The following TMEM74 variants were observed in gnomAD, a reference collection of about 807,000 sequenced individuals.
TMEM74 encodes the protein transmembrane protein 74.
TMEM74 carries 13 observed loss-of-function variants against 18.1 expected under a neutral mutation model. The observed-to-expected ratio is 0.72, with a 90% CI of 0.47 to 1.14. The LOEUF is 1.14. Ranked by LOEUF, TMEM74 falls within the 50% of genes most tolerant of loss-of-function variation. The pLI, the probability that TMEM74 is intolerant of heterozygous loss-of-function variation, is 0.00. For missense variants in TMEM74, 372 were observed against 375.9 expected (o/e 0.99, Z 0.09); for synonymous variants, 159 against 146.6 (o/e 1.08, Z -0.61).
chr8:108,680,445 G>A (rs1480203014), intron 1 of TMEM74, among the ~76,000 whole-genome samples: 3 of 151,978 alleles, frequency 2.0e-5, no homozygotes, highest in Admixed American at 2.0e-4. Flanking sequence ...ATGCAGAAAA[G>A]GCCTTTGACA....
chr8:108,633,286 G>C (rs1055215006), intron 2 of TMEM74, among the ~76,000 whole-genome samples: 2 of 151,868 alleles, frequency 1.3e-5, no homozygotes, highest in Admixed American at 1.3e-4. Context: ...ATAATACTAA[G>C]TTTTGAAGGG....
chr8:108,693,726 C>T lies in TMEM74; in HGVS notation n.120-38289G>A, dbSNP rs1396738275. On this transcript the variant is annotated intron_variant and non_coding_transcript_variant, in intron 1 of 3. Transcript: ENST00000518838. ...CTATTCACTGAATTATCCTTAGAGG[C>T]TGAATGCTAATTGATTTTATGTGCA... Among the ~76,000 whole-genome samples, 5 of 152,188 alleles carry T rather than the reference C, an allele frequency of 3.3e-5. No homozygotes were observed. In the East Asian group the frequency reaches 5.8e-4, roughly 18 times the overall value.
At chr8:108,621,895 A>G (rs1209472207) in intron 2 of TMEM74, among the ~76,000 whole-genome samples, 4 of 152,142 alleles carry the variant, frequency 2.6e-5, no homozygotes, top group Non-Finnish European at 4.4e-5. Flanking sequence ...GCCAGGCACA[A>G]AATAAGCACT....
intron 2 of TMEM74, among the ~76,000 whole-genome samples, chr8:108,609,352 C>A (rs1812310911): frequency 6.6e-6 from 1 of 152,134 alleles, no homozygotes. Flanking sequence ...TTAAACTATT[C>A]TTAAAATATT....
At chr8:108,700,801 C>T (rs182181756) in intron 1 of TMEM74, among the ~76,000 whole-genome samples, 2 of 152,144 alleles carry the variant, frequency 1.3e-5, no homozygotes, top group Admixed American at 1.3e-4. Context: ...ATGACTGGCC[C>T]AGGTTTACAC....
chr8:108,687,281 T>C (rs1348664398), intron 1 of TMEM74, among the ~76,000 whole-genome samples: 1 of 152,086 alleles, frequency 6.6e-6, no homozygotes, highest in Non-Finnish European at 1.5e-5. Context: ...TAAAAATGAA[T>C]GAATTTCTCT....
chr8:108,719,383 C>T (rs927154553), intron 1 of TMEM74, among the ~76,000 whole-genome samples: 1 of 151,964 alleles, frequency 6.6e-6, no homozygotes. Flanking sequence ...CAATATAATA[C>T]TTTATTGGAT....
At chr8:108,756,809 GAA>G (rs1397468259) in intron 1 of TMEM74, among the ~76,000 whole-genome samples, 4 of 150,472 alleles carry the variant, frequency 2.7e-5, no homozygotes, top group Non-Finnish European at 5.9e-5. Flanking sequence ...AGGAAGGAAG[GAA>G]GGAAGGAAGG....
At chr8:108,725,489 A>G (rs1301326498) in intron 1 of TMEM74, among the ~76,000 whole-genome samples, 1 of 152,080 alleles carries the variant, frequency 6.6e-6, no homozygotes, top group African/African-American at 2.4e-5. Flanking sequence ...CTTTTAAATT[A>G]TTTCTTTGGG....
intron 1 of TMEM74, among the ~76,000 whole-genome samples, chr8:108,714,211 T>C (rs954477389): frequency 1.3e-5 from 2 of 152,082 alleles, no homozygotes; most frequent in South Asian, 2.1e-4. Flanking sequence ...GATACTAAAA[T>C]TGACATAAGA....
At chr8:108,638,044 G>A (rs1812624846) in intron 2 of TMEM74, among the ~76,000 whole-genome samples, 1 of 152,054 alleles carries the variant, frequency 6.6e-6, no homozygotes, top group Non-Finnish European at 1.5e-5. Flanking sequence ...AGCTAATGCA[G>A]CCAAATGCTG....
At chr8:108,754,724 C>T (rs565144362) in intron 1 of TMEM74, among the ~76,000 whole-genome samples, 2 of 151,546 alleles carry the variant, frequency 1.3e-5, no homozygotes, top group Admixed American at 6.6e-5. Flanking sequence ...GAGAAATTTG[C>T]TCATGTGTTA....
intron 2 of TMEM74, among the ~76,000 whole-genome samples, chr8:108,647,525 GA>G (rs540876874): frequency 5.3e-5 from 8 of 150,108 alleles, no homozygotes; most frequent in East Asian, 3.9e-4. Context: ...TTTAAAGTAG[GA>G]AAAAAAAAGT....
chr8:108,636,161 T>C (rs1175210210), intron 2 of TMEM74, among the ~76,000 whole-genome samples: 2 of 152,082 alleles, frequency 1.3e-5, no homozygotes, highest in Non-Finnish European at 2.9e-5. Context: ...AGTGAATATA[T>C]GCTGAATAGA....
At chr8:108,675,599 A>G (rs924148094) in intron 1 of TMEM74, among the ~76,000 whole-genome samples, 17 of 152,216 alleles carry the variant, frequency 1.1e-4, no homozygotes, top group Admixed American at 2.0e-4. Flanking sequence ...TAATCTGGTC[A>G]CAACTTTATT....
intron 1 of TMEM74, among the ~76,000 whole-genome samples, chr8:108,723,051 A>G (rs1307548223): frequency 1.3e-5 from 2 of 152,302 alleles, no homozygotes; most frequent in East Asian, 3.9e-4. Context: ...CTGAGCACAC[A>G]CGCATCTCTT....
intron 1 of TMEM74, among the ~76,000 whole-genome samples, chr8:108,763,728 G>C (rs760514455): frequency 1.3e-5 from 2 of 152,138 alleles, no homozygotes; most frequent in Non-Finnish European, 2.9e-5. Flanking sequence ...ATTTTAATTA[G>C]TGAAATTCCA....
At chr8:108,608,274 C>T (rs58777730) in intron 3 of TMEM74, among the ~76,000 whole-genome samples, 2,647 of 146,054 alleles carry the variant, frequency 0.018, 81 homozygotes, top group African/African-American at 0.063. Flanking sequence ...TGCACTCCAG[C>T]CTGGTGACAG....
chr8:108,753,123 G>A (rs1460064764), intron 1 of TMEM74, among the ~76,000 whole-genome samples: 1 of 151,966 alleles, frequency 6.6e-6, no homozygotes, highest in Non-Finnish European at 1.5e-5. Flanking sequence ...TAATTTGCTG[G>A]AGTTTTTGAT....
Sources: gnomAD v4.1 joint callset for allele counts (sites outside exome capture counted in the v4.1 genomes callset) on GRCh38, gnomAD v4.1.1 for gene constraint, MANE v1.5 for transcripts, NCBI Gene and HGNC (gene_info 2026-07-23, HGNC 2026-07-21) for gene names.